Variants in WWC1 observed in about 807,000 individuals in gnomAD.
The protein encoded by WWC1 is protein KIBRA.
WWC1 carries 55 observed loss-of-function variants against 138.4 expected under a neutral mutation model. The ratio of observed to expected loss-of-function variants is 0.40; its 90% CI spans 0.32 to 0.50. The LOEUF is 0.50. WWC1 is among the 20% of genes least tolerant of loss of function. The pLI is 0.72. For synonymous variants in WWC1, 524 were observed against 564.9 expected, an observed-to-expected ratio of 0.93 and a Z score of 1.03; for missense variants, 1,226 against 1,420.4, an observed-to-expected ratio of 0.86 and a Z score of 2.20.
chr5:168,401,069 T>A (rs1340687714), intron 5 of WWC1, among the ~76,000 whole-genome samples: 1 of 150,876 alleles, frequency 6.6e-6, no homozygotes, highest in Non-Finnish European at 1.5e-5. Context: ...GCAGTCTGGT[T>A]GACAAAGTGA....
At chr5:168,307,649 G>A (rs1770694942) in intron 1 of WWC1, among the ~76,000 whole-genome samples, 2 of 148,904 alleles carry the variant, frequency 1.3e-5, no homozygotes, top group Admixed American at 6.8e-5. Flanking sequence ...CTGTTGTTCA[G>A]GCTGGAGTGC....
rs571233937 is a variant in WWC1 at position 168,457,461 on chromosome 5, G to A, written c.2823+1941G>A. Among the ~76,000 whole-genome samples the A allele has an allele frequency of 4.6e-5, 7 of 152,246 alleles. No homozygotes were observed. In the East Asian group the frequency reaches 9.7e-4, roughly 21 times the overall value. On this transcript the variant is annotated intron_variant, in intron 19 of 22. Transcript: ENST00000265293. Reference sequence around the variant, plus strand: ...CCCTGCCCCCTCCACAGCCAGCTCCGCGTGTCTCAGTCTGTAACTGATAGC... The same window carrying A: ...CCCTGCCCCCTCCACAGCCAGCTCCACGTGTCTCAGTCTGTAACTGATAGC...
chr5:168,425,641 A>G (rs181917929), intron 11 of WWC1, among the ~76,000 whole-genome samples: 345 of 150,118 alleles, frequency 2.3e-3, no homozygotes, highest in Non-Finnish European at 3.7e-3. Flanking sequence ...ACAGGTGCAC[A>G]TCACCATGCC....
intron 8 of WWC1, chr5:168,410,296 A>G: frequency 2.8e-6 from 1 of 358,596 alleles, no homozygotes; most frequent in South Asian, 3.6e-5. Context: ...AGGCTTTCCC[A>G]TGATCCTGTA....
intron 5 of WWC1, among the ~76,000 whole-genome samples, chr5:168,404,468 T>C (rs1012054428): frequency 7.9e-5 from 12 of 152,226 alleles, no homozygotes; most frequent in Non-Finnish European, 8.8e-5. Flanking sequence ...TTTCTCTCCA[T>C]GGAGGCTGAA....
At chr5:168,358,980 C>T (rs190914265) in intron 1 of WWC1, among the ~76,000 whole-genome samples, 2 of 151,716 alleles carry the variant, frequency 1.3e-5, no homozygotes, top group South Asian at 2.1e-4. Context: ...TCTAGAATTT[C>T]ATATAAATGG....
At chr5:168,440,492 T>TTTGTTGTTGTTG (rs140204253) in intron 15 of WWC1, among the ~76,000 whole-genome samples, 1 of 151,624 alleles carries the variant, frequency 6.6e-6, no homozygotes, top group African/African-American at 2.4e-5. Context: ...AAAGCAGGGT[T>TTTGTTGTTGTTG]TTGTTGTTGT....
At chr5:168,425,494 CTTTT>C in intron 11 of WWC1, among the ~76,000 whole-genome samples, 1 of 135,518 alleles carries the variant, frequency 7.4e-6, no homozygotes. Flanking sequence ...TTTTAATCTC[CTTTT>C]TTTTTTTTTT....
intron 9 of WWC1, among the ~76,000 whole-genome samples, chr5:168,420,502 C>T (rs12514035): frequency 0.15 from 23,543 of 152,052 alleles, 2,336 homozygotes; most frequent in East Asian, 0.31. Context: ...TGTAGGATTT[C>T]GGGGGACAAA....
Position 168,409,933 on chromosome 5 carries a change from C to G in WWC1, c.879C>G (p.Asn293Lys), listed in dbSNP as rs1474221387. The G allele has an allele frequency of 1.9e-6, 3 of 1,613,956 alleles. No homozygotes were observed. The highest frequency in any genetic ancestry group is 1.7e-6 in the Non-Finnish European group (2 of 1,179,882). Reference sequence around the variant, plus strand: ...TTCTTCTCCTCCAGTTCGGCATCAACAGCAACAATCAGTTGGCAGAGAAGG... The same window carrying G: ...TTCTTCTCCTCCAGTTCGGCATCAAGAGCAACAATCAGTTGGCAGAGAAGG... ...QTDISGSFGI[N>K]SNNQLAEKVR... The change falls in exon 8 of 23, where the codon AAC (asparagine) becomes AAG (lysine). Residue 293 changes from asparagine to lysine, a missense_variant. By Grantham distance (94) the Asn-to-Lys change is moderately conservative. Around this residue, in one of 3 missense-constraint regions of WWC1, gnomAD observed 1,016 missense variants for 1,153.9 expected, o/e 0.88. Transcript: ENST00000265293.
chr5:168,414,209 G>T, intron 8 of WWC1, 139 bp from the exon 9 acceptor site: 3 of 1,304,224 alleles, frequency 2.3e-6, no homozygotes, highest in Non-Finnish European at 3.1e-6. Context: ...AAAAAAAATA[G>T]GTTCCTTGAG....
At position 168,431,393 on chromosome 5, in the gene WWC1, C is replaced by T. The variant is rs2152860641; in HGVS notation, c.2229C>T (p.Thr743=). 1 of 1,613,976 alleles carries T rather than the reference C, an allele frequency of 6.2e-7. No individual in the cohort carries two copies. Among genetic ancestry groups the T allele is most frequent in the Non-Finnish European group, 8.5e-7 (1 of 1,180,018 alleles). ...SMSYPALHQK[T]LRVDVCTTDR... is the part of the protein sequence containing the mutation. ...CCTATCCAGCCCTTCACCAGAAGAC[C>T]TTAAGAGTCGATGTCTGTACCACCG... The change falls in exon 15 of 23, where the codon ACC becomes ACT. Residue 743 remains threonine (T), a synonymous_variant. Transcript: ENST00000265293.
intron 3 of WWC1, among the ~76,000 whole-genome samples, chr5:168,392,232 G>A (rs1485402736): frequency 6.6e-6 from 1 of 152,100 alleles, no homozygotes; most frequent in African/African-American, 2.4e-5. Flanking sequence ...TGAGACCTTA[G>A]CCCTCATATA....
At chr5:168,459,268 AAAAAAAG>A (rs1176843825) in intron 19 of WWC1, among the ~76,000 whole-genome samples, 1 of 151,088 alleles carries the variant, frequency 6.6e-6, no homozygotes, top group Non-Finnish European at 1.5e-5. Flanking sequence ...AAAAAAAAAA[AAAAAAAG>A]AAAGAAAGAA....
At position 168,464,839 on chromosome 5, in the gene WWC1, C is replaced by A; in HGVS notation, c.3027C>A (p.Ile1009=). The change falls in exon 21 of 23, where the codon ATC becomes ATA. Residue 1009 remains isoleucine, a synonymous_variant. Coordinates refer to ENST00000265293, the MANE Select transcript of WWC1 (RefSeq NM_015238.3). The part of the protein sequence containing the change: ...RTWHSQLTQE[I]SVLKELKEQL... ...GGCACAGCCAATTGACCCAGGAGATCTCGGTGCTGAAGGAGCTCAAGGAGC... is the reference window on the plus strand; with the variant it reads ...GGCACAGCCAATTGACCCAGGAGATATCGGTGCTGAAGGAGCTCAAGGAGC... 1 of 1,614,244 alleles carries A rather than the reference C, an allele frequency of 6.2e-7. No individual in the cohort carries two copies. Among genetic ancestry groups the A allele is most frequent in the Non-Finnish European group, 8.5e-7 (1 of 1,180,042 alleles).
chr5:168,449,636 C>T (rs535218773), intron 17 of WWC1, among the ~76,000 whole-genome samples: 3 of 136,672 alleles, frequency 2.2e-5, no homozygotes, highest in African/African-American at 5.5e-5. Flanking sequence ...TGCAATGGTG[C>T]GATCTCGGCT....
At chr5:168,367,994 T>C (rs1776447434) in intron 1 of WWC1, among the ~76,000 whole-genome samples, 3 of 152,172 alleles carry the variant, frequency 2.0e-5, no homozygotes, top group African/African-American at 7.2e-5. Context: ...TGTCATACTG[T>C]AACAGTATCC....
intron 2 of WWC1, among the ~76,000 whole-genome samples, chr5:168,377,457 G>T (rs547756139): frequency 1.3e-4 from 20 of 152,288 alleles, no homozygotes; most frequent in African/African-American, 4.8e-4. Context: ...AAGAGCTTCT[G>T]CACAGCAAAA....
chr5:168,469,140 T>A lies in WWC1; in HGVS notation c.*123T>A, dbSNP rs998435046. The A allele has an allele frequency of 3.3e-6, 4 of 1,230,624 alleles. No homozygotes were observed. The African/African-American group carries it at 4.5e-5, about 14-fold the overall frequency. 76.2% of individuals were successfully genotyped at this position (1,230,624 alleles called of 1,614,324 possible). A position where few individuals can be genotyped will look rare whatever the true frequency, so the allele number is the denominator to read the frequency against. ...CAAGTCCTCTAGTGCTCTTGTTGGT[T>A]TGAAGATGAACCGACTTTTTAGTTT... On this transcript the variant is annotated 3_prime_UTR_variant, in exon 23 of 23. Coordinates refer to ENST00000265293, the MANE Select transcript of WWC1 (RefSeq NM_015238.3).
Sources: allele counts gnomAD v4.1 joint callset (sites outside exome capture counted in the v4.1 genomes callset), GRCh38; gene constraint gnomAD v4.1.1; regional missense constraint gnomAD v4.1.1; transcripts MANE v1.5; gene names NCBI Gene and HGNC (gene_info 2026-07-23, HGNC 2026-07-21).